Variants in NLRP13 observed in about 807,000 individuals in gnomAD.
NLRP13 encodes the protein NLR family pyrin domain containing 13.
Under a neutral mutation model 94.4 loss-of-function variants are expected in NLRP13, and 82 were observed. The ratio of observed to expected loss-of-function variants is 0.87; its 90% CI spans 0.73 to 1.04. The LOEUF (loss-of-function observed/expected upper bound fraction) is 1.04. NLRP13 is among the 50% of genes least tolerant of loss of function. NLRP13 has a pLI of 0.00. For missense variants in NLRP13, 1,426 were observed against 1,230.8 expected (o/e 1.16, Z -2.37); for synonymous variants, 553 against 464.7 (o/e 1.19, Z -2.45).
intron 4 of NLRP13, among the ~76,000 whole-genome samples, chr19:55,921,723 G>C (rs1003207446): frequency 4.6e-5 from 7 of 152,170 alleles, no homozygotes; most frequent in African/African-American, 7.2e-5. Flanking sequence ...TCATCCTAAA[G>C]TAGGAGCAGA....
chr19:55,928,632 C>T lies in NLRP13; in HGVS notation c.319+3361G>A, dbSNP rs11878332. ...TAAGTTCTTCCTTTGAGAGCATTCTCCTCTGTGCTAATTCCTCTCTCCAGG... is the reference window on the plus strand; with the variant it reads ...TAAGTTCTTCCTTTGAGAGCATTCTTCTCTGTGCTAATTCCTCTCTCCAGG... On this transcript the variant is annotated intron_variant, in intron 1 of 10. Transcript: ENST00000342929. Among the ~76,000 whole-genome samples the T allele has an allele frequency of 7.8e-3, 1,189 of 152,238 alleles. 17 individuals carry two copies. Among genetic ancestry groups the T allele is most frequent in the African/African-American group, 0.026 (1,060 of 41,536 alleles).
chr19:55,912,073 T>G lies in NLRP13; in HGVS notation c.1744A>C (p.Thr582Pro). The change falls in exon 5 of 11, where the codon ACT becomes CCT. Residue 582 changes from threonine (T) to proline (P), a missense_variant. Coordinates refer to ENST00000342929, the MANE Select transcript of NLRP13 (RefSeq NM_176810.2). ...CCAAAGAAGAACAGAACCACTGGAG[T>G]CCAGTAGGCTTCTTTGTCAAGCAAG... ...HVLLDKEAYW[T>P]PVVLFFFGLL... is the part of the protein sequence containing the mutation. 6.2e-7 allele frequency: 1 copy of G among 1,614,122 alleles called. No homozygotes were observed. The highest frequency in any genetic ancestry group is 8.5e-7 in the Non-Finnish European group (1 of 1,180,014).
At chr19:55,903,317 G>C (rs913101076) in intron 8 of NLRP13, among the ~76,000 whole-genome samples, 1 of 152,106 alleles carries the variant, frequency 6.6e-6, no homozygotes, top group African/African-American at 2.4e-5. Context: ...CAGAGTCTGT[G>C]GTTCTCCGGG....
intron 1 of NLRP13, 137 bp downstream of exon 1, chr19:55,931,856 A>C: frequency 1.3e-6 from 1 of 745,256 alleles, no homozygotes; most frequent in Non-Finnish European, 2.2e-6. Context: ...TTTAAACATC[A>C]TACTGTCATA....
intron 1 of NLRP13, among the ~76,000 whole-genome samples, chr19:55,927,369 G>GAAA (rs35906975): frequency 2.4e-4 from 30 of 123,968 alleles, no homozygotes; most frequent in Middle Eastern, 4.1e-3. Context: ...CTCCATCTAG[G>GAAA]AAAAAAAAAA....
At chr19:55,925,184 C>G in intron 1 of NLRP13, 149 bp from the exon 2 acceptor site, 1 of 705,460 alleles carries the variant, frequency 1.4e-6, no homozygotes, top group Non-Finnish European at 2.5e-6. Flanking sequence ...TCCATTAGCC[C>G]AACTGAAGAT....
chr19:55,922,226 G>A (rs1986847751), intron 4 of NLRP13, among the ~76,000 whole-genome samples: 1 of 152,058 alleles, frequency 6.6e-6, no homozygotes, highest in Non-Finnish European at 1.5e-5. Context: ...TGGGAATTAT[G>A]GGAGCTACAA....
intron 1 of NLRP13, among the ~76,000 whole-genome samples, chr19:55,926,794 T>G (rs1986976034): frequency 6.6e-6 from 1 of 152,166 alleles, no homozygotes; most frequent in South Asian, 2.1e-4. Flanking sequence ...CTACATAATT[T>G]AAAATGCAAT....
At chr19:55,906,829 T>G (rs958211724) in intron 7 of NLRP13, among the ~76,000 whole-genome samples, 1 of 152,176 alleles carries the variant, frequency 6.6e-6, no homozygotes, top group African/African-American at 2.4e-5. Context: ...ATGGCCCGCA[T>G]GTCAACGCTA....
intron 4 of NLRP13, among the ~76,000 whole-genome samples, chr19:55,921,465 T>A (rs926519883): frequency 6.6e-6 from 1 of 152,212 alleles, no homozygotes; most frequent in Non-Finnish European, 1.5e-5. Flanking sequence ...ACAGAAATAT[T>A]TGTGGATATG....
At chr19:55,899,921 G>A (rs1235915312) in intron 9 of NLRP13, among the ~76,000 whole-genome samples, 5 of 150,180 alleles carry the variant, frequency 3.3e-5, no homozygotes, top group Middle Eastern at 3.4e-3. Flanking sequence ...GTGGTCAAAG[G>A]GTACAAAAAT....
chr19:55,893,516 G>C (rs776891528), downstream of NLRP13, among the ~76,000 whole-genome samples: 2 of 152,010 alleles, frequency 1.3e-5, no homozygotes, highest in Non-Finnish European at 2.9e-5. Context: ...TTTACCCTTC[G>C]ACTGGGACCT....
At position 55,911,696 on chromosome 19, in the gene NLRP13, T is replaced by TA; in HGVS notation, c.2111+9dup. ...AGAAAGCTGAGAAAGAAATGGTTTG[T>TA]AATACTCACTCCAGAATTTCCAAGT... On this transcript the variant is annotated intron_variant, in intron 5 of 10. Transcript: ENST00000342929. 6.3e-7 allele frequency: 1 copy of TA among 1,580,732 alleles called. No individual in the cohort carries two copies. The highest frequency in any genetic ancestry group is 8.6e-7 in the Non-Finnish European group (1 of 1,164,788).
At chr19:55,917,647 C>A (rs1986704873) in intron 4 of NLRP13, among the ~76,000 whole-genome samples, 2 of 151,856 alleles carry the variant, frequency 1.3e-5, no homozygotes, top group Non-Finnish European at 2.9e-5. Flanking sequence ...AGTTGAAAGA[C>A]TTTCAACCAG....
chr19:55,925,178 T>A (rs941150296), intron 1 of NLRP13, 143 bp from the exon 2 acceptor site: 55 of 720,460 alleles, frequency 7.6e-5, no homozygotes, highest in Non-Finnish European at 1.2e-4. Context: ...TCAAGCTCCA[T>A]TAGCCCAACT....
chr19:55,927,136 TG>T (rs1270117245), intron 1 of NLRP13, among the ~76,000 whole-genome samples: 10 of 152,030 alleles, frequency 6.6e-5, no homozygotes, highest in Non-Finnish European at 1.5e-4. Context: ...TTTGGGAGGC[TG>T]AGGCAGGCAG....
At chr19:55,931,924 C>T in intron 1 of NLRP13, 69 bp downstream of exon 1, 1 of 1,441,904 alleles carries the variant, frequency 6.9e-7, no homozygotes. Context: ...CCCACAAAAA[C>T]CCAGCGGCTA....
chr19:55,932,151 C>G lies in NLRP13; in HGVS notation c.161G>C (p.Arg54Pro), dbSNP rs779537140. 6.2e-7 allele frequency: 1 copy of G among 1,614,144 alleles called. No homozygotes were observed. Among genetic ancestry groups the G allele is most frequent in the Admixed American group, 1.7e-5 (1 of 60,022 alleles). The stretch of plus-strand genomic sequence containing the variant: ...AGCTCTCAAGTTTGCCCAGGGGATA[C>G]GCGGGAAGTGCCCCTGGGGGGCCGA... ...FWSAPQGHFP[R>P]IPWANLRAAD... Residue 54 changes from arginine (R) to proline (P), a missense_variant, in exon 1 of 11, where the codon CGT (arginine) becomes CCT (proline). Physicochemically the swap from Arg to Pro is moderately radical, Grantham distance 103. Coordinates refer to ENST00000342929, the MANE Select transcript of NLRP13 (RefSeq NM_176810.2).
intron 10 of NLRP13, among the ~76,000 whole-genome samples, chr19:55,897,647 A>G (rs1986050987): frequency 1.3e-5 from 2 of 152,200 alleles, no homozygotes; most frequent in Admixed American, 6.5e-5. Flanking sequence ...ATGCCAAACT[A>G]TCTTAAATTT....
Sources: allele counts gnomAD v4.1 joint callset (sites outside exome capture counted in the v4.1 genomes callset), GRCh38; gene constraint gnomAD v4.1.1; transcripts MANE v1.5; gene names NCBI Gene and HGNC (gene_info 2026-07-23, HGNC 2026-07-21).